Variants in NALCN observed in about 807,000 individuals in gnomAD.
NALCN encodes sodium leak channel, non-selective.
In NALCN, 111 loss-of-function variants were observed where a neutral mutation model predicts 225.3. The observed-to-expected ratio is 0.49, with a 90% CI of 0.42 to 0.58. The LOEUF (loss-of-function observed/expected upper bound fraction) is 0.58, where lower values mean the gene tolerates loss of function less well. Ranked by LOEUF, NALCN falls within the 20% of genes least tolerant of loss-of-function variation. The pLI is 0.00. For missense variants in NALCN, 1,378 were observed against 2,202.4 expected, an observed-to-expected ratio of 0.63 and a Z score of 7.49; for synonymous variants, 764 against 769.0, an observed-to-expected ratio of 0.99 and a Z score of 0.11.
At position 101,293,729 on chromosome 13, in the gene NALCN, C is replaced by T. The variant is rs182285576; in HGVS notation, c.800-1363G>A. On this transcript the variant is annotated intron_variant, in intron 7 of 43. Transcript: ENST00000251127. ...ATGCAGAACAGAAGGCAAGTCCAGCCGCAGACTTGATGACAAGGGAGAAAA... is the reference window on the plus strand; with the variant it reads ...ATGCAGAACAGAAGGCAAGTCCAGCTGCAGACTTGATGACAAGGGAGAAAA... Among the ~76,000 whole-genome samples the T allele has an allele frequency of 3.9e-4, 59 of 152,116 alleles. 1 individual carries two copies. The highest frequency in any genetic ancestry group is 1.2e-3 in the African/African-American group (49 of 41,496).
intron 18 of NALCN, 74 bp downstream of exon 18, chr13:101,124,534 T>G (rs961381078): frequency 8.3e-6 from 11 of 1,326,762 alleles, no homozygotes; most frequent in Non-Finnish European, 9.6e-6. Context: ...ATTAATTCAT[T>G]TTTCAAAAAG....
At chr13:101,093,971 G>A (rs1007744688) in intron 28 of NALCN, among the ~76,000 whole-genome samples, 1 of 152,326 alleles carries the variant, frequency 6.6e-6, no homozygotes, top group South Asian at 2.1e-4. Flanking sequence ...GAGGAATGGA[G>A]TTTAAGTCTT....
intron 10 of NALCN, among the ~76,000 whole-genome samples, chr13:101,279,475 T>C (rs111956114): frequency 6.6e-6 from 1 of 152,354 alleles, no homozygotes; most frequent in African/African-American, 2.4e-5. Flanking sequence ...TTTAATTTTA[T>C]TTCCATATTA....
At chr13:101,252,297 G>T (rs996117996) in intron 11 of NALCN, among the ~76,000 whole-genome samples, 17 of 152,172 alleles carry the variant, frequency 1.1e-4, no homozygotes, top group Admixed American at 7.2e-4. Flanking sequence ...TAATTGAAAT[G>T]AGATGAAAAA....
chr13:101,067,998 T>TG lies in NALCN; in HGVS notation c.4365dup (p.Thr1456HisfsTer2), dbSNP rs1198303542. 2 of 1,611,822 alleles carry TG rather than the reference T, an allele frequency of 1.2e-6. No homozygotes were observed. The highest frequency in any genetic ancestry group is 2.7e-5 in the African/African-American group (2 of 74,804). On this transcript the variant is annotated frameshift_variant, in exon 39 of 44. Coordinates refer to ENST00000251127, the MANE Select transcript of NALCN (RefSeq NM_052867.4). LOFTEE classifies it high-confidence loss of function. ...TAACTTAAAAGCTGGTCCTCCTCAG[T>TG]GGAATAAAACAAGGAGAAATTCTCC...
chr13:101,403,599 T>A (rs767302759), intron 1 of NALCN, among the ~76,000 whole-genome samples: 1 of 152,264 alleles, frequency 6.6e-6, no homozygotes, highest in Non-Finnish European at 1.5e-5. Flanking sequence ...AATGAAAGCA[T>A]CTATTTCATT....
intron 18 of NALCN, chr13:101,116,441 T>G (rs1167419269): frequency 6.0e-6 from 3 of 498,622 alleles, no homozygotes; most frequent in Non-Finnish European, 1.2e-5. Context: ...AGATTATGGT[T>G]ATAAGAGAGA....
intron 15 of NALCN, among the ~76,000 whole-genome samples, chr13:101,149,228 G>A (rs1208384169): frequency 3.3e-5 from 5 of 151,782 alleles, no homozygotes; most frequent in South Asian, 2.1e-4. Flanking sequence ...GGGAGGTGGA[G>A]CTTACAGTGA....
At chr13:101,283,512 C>T (rs2043237843) in intron 10 of NALCN, among the ~76,000 whole-genome samples, 1 of 152,168 alleles carries the variant, frequency 6.6e-6, no homozygotes, top group Non-Finnish European at 1.5e-5. Flanking sequence ...AACACCTCTA[C>T]ATTATGTTCC....
intron 7 of NALCN, among the ~76,000 whole-genome samples, chr13:101,319,623 A>G (rs550267): frequency 0.41 from 61,958 of 151,890 alleles, 12,984 homozygotes; most frequent in Middle Eastern, 0.47. Flanking sequence ...ACATTTATGA[A>G]ATGCATGTGT....
At chr13:101,122,105 A>T (rs1237012819) in intron 18 of NALCN, among the ~76,000 whole-genome samples, 1 of 152,142 alleles carries the variant, frequency 6.6e-6, no homozygotes, top group Non-Finnish European at 1.5e-5. Flanking sequence ...TCACATTATA[A>T]TGCAGGTATG....
At chr13:101,226,158 AGCCTAAT>A (rs1173905035) in intron 13 of NALCN, among the ~76,000 whole-genome samples, 1 of 152,090 alleles carries the variant, frequency 6.6e-6, no homozygotes, top group African/African-American at 2.4e-5. Flanking sequence ...CCCAAACATC[AGCCTAAT>A]GCCTAATGTC....
chr13:101,334,376 A>ACATTCAAGAAGAGAAT (rs2045293259), intron 7 of NALCN, among the ~76,000 whole-genome samples: 1 of 76,132 alleles, frequency 1.3e-5, no homozygotes, highest in African/African-American at 7.7e-5. Flanking sequence ...GGGGAGCGGT[A>ACATTCAAGAAGAGAAT]GGAGAGAGGC....
At chr13:101,145,820 T>A (rs1489973030) in intron 15 of NALCN, among the ~76,000 whole-genome samples, 1 of 152,204 alleles carries the variant, frequency 6.6e-6, no homozygotes, top group African/African-American at 2.4e-5. Flanking sequence ...TTAACACTGA[T>A]GCCTTTCAAA....
At chr13:101,188,554 A>G (rs2139992698) in intron 14 of NALCN, among the ~76,000 whole-genome samples, 1 of 151,906 alleles carries the variant, frequency 6.6e-6, no homozygotes, top group Admixed American at 6.6e-5. Flanking sequence ...TACTATATGT[A>G]TACATATATA....
At chr13:101,107,412 T>C in intron 22 of NALCN, 75 bp downstream of exon 22, 2 of 1,603,256 alleles carry the variant, frequency 1.2e-6, no homozygotes, top group Non-Finnish European at 1.7e-6. Flanking sequence ...ACACGTTCCT[T>C]CTTCTTCATA....
chr13:101,093,445 A>G (rs2034339334), intron 28 of NALCN, among the ~76,000 whole-genome samples: 1 of 152,236 alleles, frequency 6.6e-6, no homozygotes, highest in African/African-American at 2.4e-5. Flanking sequence ...GATGACATTT[A>G]TTAGATCGAA....
chr13:101,401,790 C>T (rs1004092521), intron 1 of NALCN, among the ~76,000 whole-genome samples: 1 of 152,080 alleles, frequency 6.6e-6, no homozygotes, highest in Admixed American at 6.6e-5. Context: ...GATCTAAGCT[C>T]CAAAGATACC....
At chr13:101,113,196 T>C (rs1427431418) in intron 18 of NALCN, among the ~76,000 whole-genome samples, 1 of 152,198 alleles carries the variant, frequency 6.6e-6, no homozygotes, top group African/African-American at 2.4e-5. Context: ...TATTCCATTA[T>C]ACAAGGAGAC....
Sources: gnomAD v4.1 joint callset for allele counts (sites outside exome capture counted in the v4.1 genomes callset) on GRCh38, gnomAD v4.1.1 for gene constraint, MANE v1.5 for transcripts, NCBI Gene and HGNC (gene_info 2026-07-23, HGNC 2026-07-21) for gene names.